The following MLXIP variants were observed in gnomAD, a reference collection of about 807,000 sequenced individuals.
The protein encoded by MLXIP is MLX-interacting protein.
In MLXIP, 30 loss-of-function variants were observed where a neutral mutation model predicts 87.2. The ratio of observed to expected loss-of-function variants is 0.34; its 90% CI spans 0.26 to 0.47. The LOEUF is 0.47. Among genes scored for constraint, MLXIP ranks in the 20% least tolerant of loss-of-function variants. The pLI, the probability that MLXIP is intolerant of heterozygous loss-of-function variation, is 1.00. For synonymous variants in MLXIP, 530 were observed against 514.0 expected, an observed-to-expected ratio of 1.03 and a Z score of -0.42; for missense variants, 1,002 against 1,240.1, an observed-to-expected ratio of 0.81 and a Z score of 2.88.
chr12:122,078,826 G>T lies in MLXIP; in HGVS notation c.-28G>T. On this transcript the variant is annotated 5_prime_UTR_variant, in exon 1 of 17. Transcript: ENST00000319080. ...CGCTTGTCGCGTTGCCCCGGGCTCC[G>T]GGGGATGCCCCCGGCCGAGCCCTTC... 9.5e-7 allele frequency: 1 copy of T among 1,047,240 alleles called. No homozygotes were observed. The highest frequency in any genetic ancestry group is 1.1e-6 in the Non-Finnish European group (1 of 871,012). The allele number at this position is 1,047,240 out of a possible 1,614,324, so 64.9% of individuals were successfully genotyped here. A position where few individuals can be genotyped will look rare whatever the true frequency, so the allele number is the denominator to read the frequency against.
At chr12:122,138,729 C>G (rs1318251404) in intron 14 of MLXIP, 86 bp from the exon 15 acceptor site, 2 of 1,544,940 alleles carry the variant, frequency 1.3e-6, no homozygotes, top group African/African-American at 2.7e-5. Context: ...TGTGGCCCGG[C>G]ACTGGGCCAG....
At chr12:122,134,510 G>GGCGCCCATCACT (rs1455411787) in intron 9 of MLXIP, 1 of 157,430 alleles carries the variant, frequency 6.4e-6, no homozygotes, top group African/African-American at 2.4e-5. Flanking sequence ...TGGGATTACA[G>GGCGCCCATCACT]GCGCCCATCA....
intron 1 of MLXIP, among the ~76,000 whole-genome samples, chr12:122,094,820 GTT>G (rs1315148857): frequency 6.7e-6 from 1 of 148,748 alleles, no homozygotes; most frequent in African/African-American, 2.5e-5. Flanking sequence ...TGGTGTGTGT[GTT>G]GGTGTGTGTG....
intron 3 of MLXIP, 37 bp downstream of exon 3, chr12:122,128,005 A>G (rs1374740622): frequency 1.9e-6 from 3 of 1,559,324 alleles, no homozygotes; most frequent in Admixed American, 1.7e-5. Flanking sequence ...GAGAGTGGAA[A>G]CATACCAGCA....
intron 1 of MLXIP, among the ~76,000 whole-genome samples, chr12:122,089,182 A>ACAAG (rs1182023517): frequency 6.6e-6 from 1 of 152,080 alleles, no homozygotes. Context: ...CCTGTCTCAA[A>ACAAG]CAAGCAAACA....
At chr12:122,099,351 G>T (rs924599540) in intron 1 of MLXIP, among the ~76,000 whole-genome samples, 1 of 152,014 alleles carries the variant, frequency 6.6e-6, no homozygotes, top group Admixed American at 6.6e-5. Context: ...CTGGACCCCA[G>T]CTGTTGGCAG....
intron 1 of MLXIP, among the ~76,000 whole-genome samples, chr12:122,098,415 T>G (rs1952388351): frequency 6.6e-6 from 1 of 152,188 alleles, no homozygotes; most frequent in Admixed American, 6.5e-5. Context: ...GACTGGAAGA[T>G]TGACACAGCA....
chr12:122,100,732 G>T (rs1952423838), intron 1 of MLXIP, among the ~76,000 whole-genome samples: 1 of 152,154 alleles, frequency 6.6e-6, no homozygotes, highest in African/African-American at 2.4e-5. Flanking sequence ...TTGTTAAATT[G>T]AGTGTAAAAC....
rs1387261537 is a variant in MLXIP at position 122,145,837 on chromosome 12, T to A, written c.*4025T>A. ...GGACCTTGCTTTGGTCCAGCTCTTT[T>A]CCTTACCCTGGCTCTGACGTGGGAA... is the stretch of plus-strand genomic sequence containing the variant. On this transcript the variant is annotated 3_prime_UTR_variant, in exon 17 of 17. Transcript: ENST00000319080. 6.6e-6 allele frequency: 1 copy of A among 152,278 alleles called. No homozygotes were observed. Among genetic ancestry groups the A allele is most frequent in the African/African-American group, 2.4e-5 (1 of 41,438 alleles). 9.4% of individuals were successfully genotyped at this position (152,278 alleles called of 1,614,324 possible).
chr12:122,113,861 AT>A (rs1952644512), intron 1 of MLXIP, among the ~76,000 whole-genome samples: 1 of 148,812 alleles, frequency 6.7e-6, no homozygotes, highest in Non-Finnish European at 1.5e-5. Context: ...ACTTTTTTGT[AT>A]TTTTAGTAGA....
In MLXIP at chr12:122,135,408, C is replaced by T. The variant is rs1234022835; in HGVS notation, c.1854+63C>T. 2.8e-5 allele frequency: 45 copies of T among 1,598,840 alleles called. No homozygotes were observed. The highest frequency in any genetic ancestry group is 1.7e-4 in the Middle Eastern group (1 of 6,008). ...CACCCCGGAGCACTCTGATCTTGGG[C>T]GGCCCTCACCTGAGACGACTGGTGT... On this transcript the variant is annotated intron_variant, in intron 10 of 16. Transcript: ENST00000319080. This position sits in a 1 kb window ranked among gnomAD's most constrained non-coding sequence, Gnocchi z 5.3.
chr12:122,135,877 G>A lies in MLXIP; in HGVS notation c.2032+211G>A. On this transcript the variant is annotated intron_variant, in intron 11 of 16. Coordinates refer to ENST00000319080, the MANE Select transcript of MLXIP (RefSeq NM_014938.6). The surrounding 1 kb of genome is among the most constrained non-coding windows in gnomAD (Gnocchi z 5.3). The stretch of plus-strand genomic sequence containing the variant: ...GGTGGCACTGGCAGGGCAAAAAGTA[G>A]TGAACATGTGGCAGTGTAGGTGACC... 2 of 600,626 alleles carry A rather than the reference G, an allele frequency of 3.3e-6. No homozygotes were observed. The highest frequency in any genetic ancestry group is 3.2e-5 in the East Asian group (1 of 30,968). The allele number at this position is 600,626 out of a possible 1,614,324, so 37.2% of individuals were successfully genotyped here.
In MLXIP at chr12:122,133,416, C is replaced by T. The variant is rs549175163; in HGVS notation, c.1161C>T (p.Thr387=). The T allele has an allele frequency of 2.1e-5, 34 of 1,610,930 alleles. No individual in the cohort carries two copies. The highest frequency in any genetic ancestry group is 1.7e-4 in the Middle Eastern group (1 of 6,050). ...SLPDSLIAPP[T]APSLAHMDEQ... ...CTGACAGCCTCATCGCGCCCCCTAC[C>T]GCCCCATCCCTGGCTCACATGGATG... Residue 387 remains threonine (T), a synonymous_variant, in exon 9 of 17, where the codon ACC becomes ACT. Transcript: ENST00000319080. This position sits in a 1 kb window ranked among gnomAD's most constrained non-coding sequence, Gnocchi z 4.9.
chr12:122,133,542 C>G lies in MLXIP; in HGVS notation c.1287C>G (p.Leu429=), dbSNP rs747872546. 63 of 1,608,998 alleles carry G rather than the reference C, an allele frequency of 3.9e-5. No individual in the cohort carries two copies. The highest frequency in any genetic ancestry group is 5.3e-5 in the Non-Finnish European group (63 of 1,177,912). The change falls in exon 9 of 17, where the codon CTC becomes CTG. Residue 429 remains leucine, a synonymous_variant. Coordinates refer to ENST00000319080, the MANE Select transcript of MLXIP (RefSeq NM_014938.6). This position sits in a 1 kb window ranked among gnomAD's most constrained non-coding sequence, Gnocchi z 4.9. ...CACTGAGTGTCCCGCAGCCCTTCCT[C>G]CCTGTCTTCACCATGCCCCTGCTGT... ...EPPLSVPQPF[L]PVFTMPLLSP... is the part of the protein sequence containing the mutation.
intron 3 of MLXIP, chr12:122,128,245 A>G: frequency 2.6e-6 from 1 of 380,120 alleles, no homozygotes; most frequent in Non-Finnish European, 5.0e-6. Flanking sequence ...GTGATTATAC[A>G]TGCACAGGAA....
chr12:122,128,573 G>C, intron 3 of MLXIP: 1 of 158,994 alleles, frequency 6.3e-6, no homozygotes, highest in South Asian at 1.8e-4. Flanking sequence ...CACACACACA[G>C]TGTTTGTAGG....
At chr12:122,124,582 G>A (rs112523388) in intron 1 of MLXIP, among the ~76,000 whole-genome samples, 5 of 149,754 alleles carry the variant, frequency 3.3e-5, no homozygotes, top group African/African-American at 1.2e-4. Flanking sequence ...AGAGGGCACC[G>A]GCGTCACCTT....
chr12:122,108,991 G>A (rs1952562762), intron 1 of MLXIP, among the ~76,000 whole-genome samples: 1 of 152,178 alleles, frequency 6.6e-6, no homozygotes, highest in Admixed American at 6.5e-5. Flanking sequence ...CTTTTTAGGT[G>A]GCACAATCTC....
At chr12:122,119,606 T>C (rs984783028) in intron 1 of MLXIP, among the ~76,000 whole-genome samples, 2 of 152,204 alleles carry the variant, frequency 1.3e-5, no homozygotes, top group Non-Finnish European at 2.9e-5. Flanking sequence ...TTAGCCAGGA[T>C]GGTCTCGATC....
Sources: allele counts gnomAD v4.1 joint callset (sites outside exome capture counted in the v4.1 genomes callset), GRCh38; gene constraint gnomAD v4.1.1; non-coding constraint Gnocchi (gnomAD v3.1); transcripts MANE v1.5; gene names NCBI Gene and HGNC (gene_info 2026-07-23, HGNC 2026-07-21).